Variants in HMCN2 observed in about 807,000 individuals in gnomAD.
HMCN2 encodes the protein hemicentin-2.
In HMCN2, 325 loss-of-function variants were observed where a neutral mutation model predicts 377.5. That is an observed-to-expected ratio of 0.86 (90% CI 0.79 to 0.94). The LOEUF (loss-of-function observed/expected upper bound fraction) is 0.94. Among genes scored for constraint, HMCN2 ranks in the 40% least tolerant of loss-of-function variants. HMCN2 has a pLI of 0.00. For missense variants in HMCN2, 4,543 were observed against 4,725.3 expected, an observed-to-expected ratio of 0.96 and a Z score of 1.13; for synonymous variants, 2,007 against 2,046.8, an observed-to-expected ratio of 0.98 and a Z score of 0.53.
At position 130,425,884 on chromosome 9, in the gene HMCN2, C is replaced by G. The variant is rs769194215; in HGVS notation, c.13839C>G (p.Ala4613=). Residue 4613 remains alanine, a synonymous_variant, in exon 90 of 98, where the codon GCC becomes GCG. Transcript: ENST00000683500. ...SAISSAFDPE[A]EALRFQLATA... Reference sequence around the variant, plus strand: ...TCAGCTCGGCCTTTGATCCAGAGGCCGAGGCCCTGCGCTTCCAGCTCGCTA... The same window carrying G: ...TCAGCTCGGCCTTTGATCCAGAGGCGGAGGCCCTGCGCTTCCAGCTCGCTA... 8.4e-6 allele frequency: 13 copies of G among 1,549,872 alleles called. No individual in the cohort carries two copies. Among genetic ancestry groups the G allele is most frequent in the Non-Finnish European group, 1.1e-5 (13 of 1,146,916 alleles).
chr9:130,362,747 T>C, intron 39 of HMCN2, 120 bp from the exon 40 acceptor site: 1 of 765,596 alleles, frequency 1.3e-6, no homozygotes, highest in South Asian at 5.9e-5. Context: ...GCTCTGAGTC[T>C]GGGGCAGGCT....
chr9:130,302,566 G>T (rs1836576940), intron 8 of HMCN2, among the ~76,000 whole-genome samples: 1 of 152,112 alleles, frequency 6.6e-6, no homozygotes, highest in African/African-American at 2.4e-5. Flanking sequence ...AACCACAAAA[G>T]CCCCAGGAGC....
At chr9:130,349,216 G>C in intron 28 of HMCN2, 85 bp downstream of exon 28, 1 of 1,230,210 alleles carries the variant, frequency 8.1e-7, no homozygotes, top group South Asian at 1.4e-5. Context: ...GGAGAGGGTA[G>C]ACTTTGCCTG....
intron 59 of HMCN2, among the ~76,000 whole-genome samples, chr9:130,385,152 G>A (rs930415568): frequency 1.3e-5 from 2 of 150,926 alleles, no homozygotes; most frequent in African/African-American, 2.4e-5. Flanking sequence ...TCACTTGCAC[G>A]AACACCAGCC....
intron 61 of HMCN2, among the ~76,000 whole-genome samples, chr9:130,387,797 G>A (rs1224245351): frequency 6.6e-6 from 1 of 152,190 alleles, no homozygotes; most frequent in Admixed American, 6.6e-5. Context: ...CTGACAAGAT[G>A]GAGTGCAGGG....
At chr9:130,318,923 C>T (rs1316569972) in intron 15 of HMCN2, among the ~76,000 whole-genome samples, 23 of 152,170 alleles carry the variant, frequency 1.5e-4, no homozygotes, top group African/African-American at 1.9e-4. Context: ...TTTGCGGGGG[C>T]GGCAATAGAA....
intron 14 of HMCN2, among the ~76,000 whole-genome samples, chr9:130,309,289 A>G (rs1471864322): frequency 6.6e-6 from 1 of 152,096 alleles, no homozygotes; most frequent in Non-Finnish European, 1.5e-5. Flanking sequence ...CGAGGTGGGC[A>G]GATCACCTGA....
intron 97 of HMCN2, 91 bp downstream of exon 97, chr9:130,432,646 C>A: frequency 7.4e-7 from 1 of 1,357,040 alleles, no homozygotes; most frequent in Non-Finnish European, 1.0e-6. Context: ...ATTGTCACTC[C>A]CCACACAAGT....
chr9:130,313,299 T>G (rs1837361588), intron 15 of HMCN2, among the ~76,000 whole-genome samples: 1 of 151,712 alleles, frequency 6.6e-6, no homozygotes, highest in African/African-American at 2.4e-5. Context: ...TTCCTGGTAG[T>G]GTCTGGGGCA....
chr9:130,429,596 A>G lies in HMCN2; in HGVS notation c.14237A>G (p.Tyr4746Cys), dbSNP rs1844612142. Reference sequence around the variant, plus strand: ...CTGGAGGGGTTGGACGACTGTCACTACAACCAGCTCTGCGAGAACACCCCA... The same window carrying G: ...CTGGAGGGGTTGGACGACTGTCACTGCAACCAGCTCTGCGAGAACACCCCA... ...ECLEGLDDCH[Y>C]NQLCENTPGG... Residue 4746 changes from tyrosine to cysteine, a missense_variant, in exon 94 of 98, where the codon TAC becomes TGC. By Grantham distance (194) the Tyr-to-Cys change is radical (BLOSUM62 -2). Around this residue, in one of 5 missense-constraint regions of HMCN2, gnomAD observed 1,155 missense variants for 1,157.7 expected, o/e 1.00. Coordinates refer to ENST00000683500, the MANE Select transcript of HMCN2 (RefSeq NM_001291815.2). 1 of 1,550,358 alleles carries G rather than the reference A, an allele frequency of 6.5e-7. No individual in the cohort carries two copies. Among genetic ancestry groups the G allele is most frequent in the Non-Finnish European group, 8.7e-7 (1 of 1,146,834 alleles).
At chr9:130,382,397 A>T (rs1357720906) in intron 55 of HMCN2, 100 bp downstream of exon 55, 1 of 416,520 alleles carries the variant, frequency 2.4e-6, no homozygotes, top group Non-Finnish European at 3.2e-6. Flanking sequence ...GTCTTGCTGT[A>T]CTCAGAGGTT....
At chr9:130,390,136 G>A (rs1842229737) in intron 62 of HMCN2, among the ~76,000 whole-genome samples, 1 of 152,180 alleles carries the variant, frequency 6.6e-6, no homozygotes, top group Non-Finnish European at 1.5e-5. Context: ...TGGCACATGT[G>A]TTCCCTGCCT....
At position 130,403,734 on chromosome 9, in the gene HMCN2, C is replaced by T. The variant is rs1157714293; in HGVS notation, c.12014-7C>T. On this transcript the variant is annotated splice_region_variant and splice_polypyrimidine_tract_variant and intron_variant, in intron 79 of 97. Coordinates refer to ENST00000683500, the MANE Select transcript of HMCN2 (RefSeq NM_001291815.2). The stretch of plus-strand genomic sequence containing the variant: ...CCAGGCCCCCGATTTTCTTCTTCCT[C>T]GTTCAGGAGTGAGTACCCAGGTCCT... The T allele has an allele frequency of 1.3e-5, 17 of 1,288,192 alleles. No homozygotes were observed. The highest frequency in any genetic ancestry group is 5.6e-5 in the East Asian group (1 of 18,014). 79.8% of individuals were successfully genotyped at this position (1,288,192 alleles called of 1,614,324 possible). A position where few individuals can be genotyped will look rare whatever the true frequency, so the allele number is the denominator to read the frequency against.
At chr9:130,323,965 G>T (rs1227748333) in intron 19 of HMCN2, among the ~76,000 whole-genome samples, 1 of 152,186 alleles carries the variant, frequency 6.6e-6, no homozygotes, top group Non-Finnish European at 1.5e-5. Flanking sequence ...GCCTCCCCAA[G>T]TGCTGGGATT....
rs1053060566 is a variant in HMCN2 at position 130,433,427 on chromosome 9, C to T, written c.14974C>T (p.Leu4992=). 8.7e-6 allele frequency: 13 copies of T among 1,493,690 alleles called. No individual in the cohort carries two copies. Among genetic ancestry groups the T allele is most frequent in the Non-Finnish European group, 1.1e-5 (12 of 1,130,026 alleles). The allele number at this position is 1,493,690 out of a possible 1,614,324, so 92.5% of individuals were successfully genotyped here. The change falls in exon 98 of 98, where the codon CTG becomes TTG. Residue 4992 remains leucine (L), a synonymous_variant. Transcript: ENST00000683500. The stretch of plus-strand genomic sequence containing the variant: ...GCAGTACCGGCTGCTGCCGCTGCCC[C>T]TGGGCGTGCGCGCCCACCACGACGT... The part of the protein sequence containing the change: ...TLQYRLLPLP[L]GVRAHHDVAR...
At position 130,394,593 on chromosome 9, in the gene HMCN2, A is replaced by T. The variant is rs1392977943; in HGVS notation, c.10692+18A>T. On this transcript the variant is annotated intron_variant, in intron 69 of 97. Coordinates refer to ENST00000683500, the MANE Select transcript of HMCN2 (RefSeq NM_001291815.2). This position sits in a 1 kb window ranked among gnomAD's most constrained non-coding sequence, Gnocchi z 5.1. ...ATGTGCAGGTACCAGTGCCGCCGCC[A>T]TGGGGCGAGGCTGGGGGTTGGGGGA... The T allele has an allele frequency of 7.1e-6, 9 of 1,271,114 alleles. No individual in the cohort carries two copies. In the African/African-American group the frequency reaches 1.1e-4, roughly 15 times the overall value. 78.7% of individuals were successfully genotyped at this position (1,271,114 alleles called of 1,614,324 possible).
At chr9:130,288,651 A>G (rs747687540) in intron 4 of HMCN2, among the ~76,000 whole-genome samples, 73 of 152,324 alleles carry the variant, frequency 4.8e-4, no homozygotes, top group Admixed American at 6.5e-5. Flanking sequence ...AAGAGGCGTC[A>G]TGCATTCTCT....
intron 30 of HMCN2, 86 bp from the exon 31 acceptor site, chr9:130,352,841 C>G: frequency 9.0e-7 from 1 of 1,109,402 alleles, no homozygotes; most frequent in Non-Finnish European, 1.2e-6. Flanking sequence ...TGTCTTGTGG[C>G]CCAAAGGCAT....
At chr9:130,355,337 C>A (rs1014602759) in intron 32 of HMCN2, among the ~76,000 whole-genome samples, 3 of 152,156 alleles carry the variant, frequency 2.0e-5, no homozygotes, top group Non-Finnish European at 2.9e-5. Context: ...ATGGAATGGC[C>A]CTTTACGGAG....
Sources: allele counts gnomAD v4.1 joint callset (sites outside exome capture counted in the v4.1 genomes callset), GRCh38; gene constraint gnomAD v4.1.1; regional missense constraint gnomAD v4.1.1; non-coding constraint Gnocchi (gnomAD v3.1); transcripts MANE v1.5; gene names NCBI Gene and HGNC (gene_info 2026-07-23, HGNC 2026-07-21).